FAT3: variants seen among roughly 807,000 people sequenced by gnomAD.
The protein encoded by FAT3 is FAT atypical cadherin 3, also known as protocadherin Fat 3.
Under a neutral mutation model 310.2 loss-of-function variants are expected in FAT3, and 95 were observed. That is an observed-to-expected ratio of 0.31 (90% CI 0.26 to 0.36). The LOEUF (loss-of-function observed/expected upper bound fraction) is 0.36, where lower values mean the gene tolerates loss of function less well. Ranked by LOEUF, FAT3 falls within the 10% of genes least tolerant of loss-of-function variation. FAT3 has a pLI of 1.00. For missense variants in FAT3, 5,408 were observed against 5,715.6 expected (o/e 0.95, Z 1.74); for synonymous variants, 2,314 against 2,192.9 (o/e 1.06, Z -1.54).
chr11:92,516,352 A>G (rs1048003160), intron 2 of FAT3, among the ~76,000 whole-genome samples: 4 of 152,064 alleles, frequency 2.6e-5, no homozygotes, highest in African/African-American at 9.7e-5. Context: ...ATCAATAAAC[A>G]TAAGCCATCA....
chr11:92,650,987 A>G (rs1450113709), intron 3 of FAT3, among the ~76,000 whole-genome samples: 5 of 152,204 alleles, frequency 3.3e-5, no homozygotes, highest in Non-Finnish European at 4.4e-5. Flanking sequence ...TCTCTGGAGT[A>G]AGCATTCCTT....
intron 1 of FAT3, among the ~76,000 whole-genome samples, chr11:92,308,237 G>C (rs1565215738): frequency 6.6e-6 from 1 of 152,126 alleles, no homozygotes; most frequent in Non-Finnish European, 1.5e-5. Flanking sequence ...TTGATTATCT[G>C]TGTTTTCAGA....
chr11:92,822,124 CA>C (rs1472821254), intron 13 of FAT3, among the ~76,000 whole-genome samples: 2 of 152,038 alleles, frequency 1.3e-5, no homozygotes, highest in African/African-American at 2.4e-5. Context: ...CAGTTTCTTC[CA>C]AACAGGGATC....
chr11:92,319,211 T>C (rs1392253292), intron 1 of FAT3, among the ~76,000 whole-genome samples: 2 of 152,182 alleles, frequency 1.3e-5, no homozygotes, highest in African/African-American at 4.8e-5. Context: ...AGGTAAAATA[T>C]CATAAAAGTC....
intron 1 of FAT3, among the ~76,000 whole-genome samples, chr11:92,286,989 A>C (rs1010312366): frequency 7.2e-5 from 11 of 152,306 alleles, no homozygotes; most frequent in African/African-American, 2.6e-4. Flanking sequence ...TTGGTCCTTC[A>C]CCACCCAGAA....
chr11:92,782,400 A>G (rs1946775757), intron 7 of FAT3, among the ~76,000 whole-genome samples: 1 of 152,056 alleles, frequency 6.6e-6, no homozygotes, highest in Non-Finnish European at 1.5e-5. Context: ...GTTCCAGACC[A>G]GCCCAGTATT....
At chr11:92,650,894 A>G (rs1942351066) in intron 3 of FAT3, among the ~76,000 whole-genome samples, 1 of 152,248 alleles carries the variant, frequency 6.6e-6, no homozygotes, top group South Asian at 2.1e-4. Flanking sequence ...CAGGAGGAAC[A>G]TATTAATAAC....
intron 1 of FAT3, among the ~76,000 whole-genome samples, chr11:92,318,174 T>C (rs919649568): frequency 5.3e-5 from 8 of 152,152 alleles, no homozygotes; most frequent in African/African-American, 1.9e-4. Flanking sequence ...AGACAGGTGA[T>C]GTAGCAGCCT....
chr11:92,387,664 A>G (rs1455146158), intron 2 of FAT3, among the ~76,000 whole-genome samples: 1 of 152,150 alleles, frequency 6.6e-6, no homozygotes, highest in Non-Finnish European at 1.5e-5. Context: ...TGTGGTGTGC[A>G]TGGAATGGTG....
At chr11:92,836,006 A>C (rs550127418) in intron 15 of FAT3, among the ~76,000 whole-genome samples, 2 of 152,228 alleles carry the variant, frequency 1.3e-5, no homozygotes, top group South Asian at 2.1e-4. Context: ...CTGCTGGAGG[A>C]CAGTACATTT....
At chr11:92,377,959 T>C (rs1949390772) in intron 2 of FAT3, among the ~76,000 whole-genome samples, 1 of 152,212 alleles carries the variant, frequency 6.6e-6, no homozygotes, top group Non-Finnish European at 1.5e-5. Flanking sequence ...TTCAAAGCTT[T>C]GAATAATGTA....
At chr11:92,796,179 T>A (rs1193550492) in intron 9 of FAT3, among the ~76,000 whole-genome samples, 1 of 152,192 alleles carries the variant, frequency 6.6e-6, no homozygotes, top group East Asian at 1.9e-4. Flanking sequence ...GTGGATCACC[T>A]GTTGGATTCA....
chr11:92,673,859 A>T (rs1001461250), intron 3 of FAT3, among the ~76,000 whole-genome samples: 6 of 152,212 alleles, frequency 3.9e-5, no homozygotes, highest in African/African-American at 1.4e-4. Context: ...GATAAGATTG[A>T]TAAGTTTCTA....
At chr11:92,868,361 T>C (rs1949299394) in intron 22 of FAT3, among the ~76,000 whole-genome samples, 1 of 152,144 alleles carries the variant, frequency 6.6e-6, no homozygotes, top group Admixed American at 6.5e-5. Context: ...TGGGGGGAAA[T>C]TTCTGTCGTC....
intron 7 of FAT3, among the ~76,000 whole-genome samples, chr11:92,789,496 C>G (rs76804548): frequency 0.01 from 1,539 of 152,276 alleles, 33 homozygotes; most frequent in African/African-American, 0.035. Flanking sequence ...TGTGACTGCT[C>G]TGAGTCCACC....
chr11:92,693,558 A>C (rs906765214), intron 3 of FAT3, among the ~76,000 whole-genome samples: 1 of 152,158 alleles, frequency 6.6e-6, no homozygotes, highest in Non-Finnish European at 1.5e-5. Context: ...AGTTATTATA[A>C]ATGAAGAGGT....
At chr11:92,840,323 T>TC (rs1323486992) in intron 17 of FAT3, among the ~76,000 whole-genome samples, 3 of 152,142 alleles carry the variant, frequency 2.0e-5, no homozygotes, top group Non-Finnish European at 2.9e-5. Flanking sequence ...TAGAGGATTG[T>TC]CCCATAGGTG....
intron 3 of FAT3, among the ~76,000 whole-genome samples, chr11:92,538,181 C>T (rs1954322924): frequency 6.6e-6 from 1 of 152,096 alleles, no homozygotes; most frequent in Non-Finnish European, 1.5e-5. Context: ...GCCAACAATT[C>T]TATTAAGTGT....
rs926392467 is a variant in FAT3, at chr11:92,770,275, A to T, written c.4196-3766A>T. 7.2e-5 allele frequency among the ~76,000 whole-genome samples: 11 copies of T among 152,282 alleles called. No individual in the cohort carries two copies. In the South Asian group the frequency reaches 2.3e-3, roughly 32 times the overall value. On this transcript the variant is annotated intron_variant, in intron 6 of 27. Coordinates refer to ENST00000525166, the MANE Select transcript of FAT3 (RefSeq NM_001367949.2). Reference sequence around the variant, plus strand: ...AAGAAGAAGCCTAGAAACACTTCATATACTATTAATAGTTTTAAGAAAATG... The same window carrying T: ...AAGAAGAAGCCTAGAAACACTTCATTTACTATTAATAGTTTTAAGAAAATG...
Sources: gnomAD v4.1 joint callset for allele counts (sites outside exome capture counted in the v4.1 genomes callset) on GRCh38, gnomAD v4.1.1 for gene constraint, MANE v1.5 for transcripts, NCBI Gene and HGNC (gene_info 2026-07-23, HGNC 2026-07-21) for gene names.